The following CCN4 variants were observed in gnomAD, a reference collection of about 807,000 sequenced individuals.
The protein encoded by CCN4 is CCN family member 4.
CCN4 carries 30 observed loss-of-function variants against 36.7 expected under a neutral mutation model. The observed-to-expected ratio is 0.82, with a 90% CI of 0.61 to 1.11. CCN4 has a LOEUF of 1.11. Ranked by LOEUF, CCN4 falls within the 50% of genes least tolerant of loss-of-function variation. CCN4 has a pLI of 0.00. For synonymous variants in CCN4, 191 were observed against 195.4 expected (o/e 0.98, Z 0.19); for missense variants, 505 against 504.9 (o/e 1.00, Z 0.00).
intron 2 of CCN4, 53 bp downstream of exon 2, chr8:133,213,196 G>T (rs1029703800): frequency 6.4e-7 from 1 of 1,554,106 alleles, no homozygotes; most frequent in Non-Finnish European, 8.8e-7. Context: ...CCCAGCTCTG[G>T]CCCCAAACCC....
In CCN4 at chr8:133,196,028, G is replaced by A. The variant is rs574049070; in HGVS notation, c.69+4815G>A. Among the ~76,000 whole-genome samples, 12 of 152,338 alleles carry A rather than the reference G, an allele frequency of 7.9e-5. No homozygotes were observed. The South Asian group carries it at 8.3e-4, about 11-fold the overall frequency. ...GCCAACCACAACCAGGAAGCAAAGC[G>A]AGCCAGCAAGGGTCACCGTGGAGGT... On this transcript the variant is annotated intron_variant, in intron 1 of 4. Transcript: ENST00000250160.
At chr8:133,208,043 A>G (rs909480467) in intron 1 of CCN4, among the ~76,000 whole-genome samples, 1 of 149,166 alleles carries the variant, frequency 6.7e-6, no homozygotes, top group Non-Finnish European at 1.5e-5. Context: ...CAGTAGTGGG[A>G]AAAACATTAA....
intron 1 of CCN4, among the ~76,000 whole-genome samples, chr8:133,194,452 T>G (rs1244739828): frequency 5.7e-5 from 3 of 52,726 alleles, no homozygotes; most frequent in African/African-American, 1.1e-4. Context: ...GGTGTGTGTG[T>G]GGTATGTGTG....
At chr8:133,192,915 G>A (rs1417344991) in intron 1 of CCN4, among the ~76,000 whole-genome samples, 1 of 152,224 alleles carries the variant, frequency 6.6e-6, no homozygotes, top group Non-Finnish European at 1.5e-5. Context: ...GACCCAGGGA[G>A]CAGGTTGGAG....
Position 133,230,194 on chromosome 8 carries a change from C to A in CCN4, c.*2484C>A, listed in dbSNP as rs1317879992. 1 of 152,234 alleles carries A rather than the reference C, an allele frequency of 6.6e-6. No individual in the cohort carries two copies. Among genetic ancestry groups the A allele is most frequent in the Admixed American group, 6.5e-5 (1 of 15,288 alleles). 9.4% of individuals were successfully genotyped at this position (152,234 alleles called of 1,614,324 possible). ...AGAAACGGAACTATCTTATGCAGAG[C>A]CCGGAGGGCAAGTCTCAGACCCATG... On this transcript the variant is annotated 3_prime_UTR_variant, in exon 5 of 5. Transcript: ENST00000250160.
chr8:133,216,581 C>T (rs1854328978), intron 2 of CCN4, among the ~76,000 whole-genome samples: 1 of 152,220 alleles, frequency 6.6e-6, no homozygotes, highest in Non-Finnish European at 1.5e-5. Flanking sequence ...GTGGGCCAAA[C>T]TAAATACATC....
chr8:133,219,225 C>A (rs1854432337), intron 2 of CCN4, among the ~76,000 whole-genome samples: 1 of 152,190 alleles, frequency 6.6e-6, no homozygotes, highest in Admixed American at 6.5e-5. Flanking sequence ...TTTGCACTTC[C>A]TCTGAGCCTA....
intron 1 of CCN4, among the ~76,000 whole-genome samples, chr8:133,197,439 C>T (rs904558421): frequency 6.6e-6 from 1 of 152,136 alleles, no homozygotes. Flanking sequence ...CTCACCCTCA[C>T]ACGTCTGCAC....
rs1392536838 is a variant in CCN4, at chr8:133,230,993, C to G, written c.*3283C>G. ...GGATAGTCTGATACCTGAGCCATCT[C>G]TTCTTGTGCTACGCCTAGTTATTCT... is the stretch of plus-strand genomic sequence containing the variant. On this transcript the variant is annotated 3_prime_UTR_variant, in exon 5 of 5. Coordinates refer to ENST00000250160, the MANE Select transcript of CCN4 (RefSeq NM_003882.4). The G allele has an allele frequency of 6.6e-6, 1 of 152,204 alleles. No individual in the cohort carries two copies. Among genetic ancestry groups the G allele is most frequent in the Non-Finnish European group, 1.5e-5 (1 of 68,036 alleles). 9.4% of individuals were successfully genotyped at this position (152,204 alleles called of 1,614,324 possible). A position where few individuals can be genotyped will look rare whatever the true frequency, so the allele number is the denominator to read the frequency against.
At chr8:133,213,171 C>T (rs771252606) in intron 2 of CCN4, 28 bp downstream of exon 2, 2 of 1,577,780 alleles carry the variant, frequency 1.3e-6, no homozygotes, top group Admixed American at 3.4e-5. Context: ...ACCTTCTGAC[C>T]AGCCCCTGAG....
chr8:133,220,317 A>G (rs1051568576), intron 2 of CCN4, among the ~76,000 whole-genome samples: 5 of 152,112 alleles, frequency 3.3e-5, no homozygotes, highest in Non-Finnish European at 7.4e-5. Flanking sequence ...GTCCCTCGGG[A>G]GGCTGCGTCC....
Position 133,228,032 on chromosome 8 carries a change from A to AG in CCN4, c.*324dup. 1 of 266,508 alleles carries AG rather than the reference A, an allele frequency of 3.8e-6. No homozygotes were observed. The highest frequency in any genetic ancestry group is 7.2e-5 in the East Asian group (1 of 13,838). 16.5% of individuals were successfully genotyped at this position (266,508 alleles called of 1,614,324 possible). ...TGCCTAAATCCCAAGAAATGGAATC[A>AG]GGTAGACTTTTAATATCACTAATTT... On this transcript the variant is annotated 3_prime_UTR_variant, in exon 5 of 5. Coordinates refer to ENST00000250160, the MANE Select transcript of CCN4 (RefSeq NM_003882.4).
rs1564248143 is a variant in CCN4, at chr8:133,194,463, TGG to T, written c.69+3253_69+3254del. Among the ~76,000 whole-genome samples the T allele has an allele frequency of 4.5e-3, 237 of 52,394 alleles. 6 individuals are homozygous for T. The highest frequency in any genetic ancestry group is 0.028 in the African/African-American group (229 of 8,256). The allele number at this position is 52,394 out of a possible 152,430, so 34.4% of individuals were successfully genotyped here. The stretch of plus-strand genomic sequence containing the variant: ...GTGTGGTGTGTGTGTGGTATGTGTG[TGG>T]GGTGTGTGTGTGTGTGGTGGGGGGT... On this transcript the variant is annotated intron_variant, in intron 1 of 4. Coordinates refer to ENST00000250160, the MANE Select transcript of CCN4 (RefSeq NM_003882.4).
intron 3 of CCN4, 30 bp from the exon 4 acceptor site, chr8:133,225,360 A>G (rs1462451968): frequency 9.0e-6 from 14 of 1,549,912 alleles, no homozygotes; most frequent in Non-Finnish European, 1.2e-5. Context: ...GGAGCTGTAG[A>G]TTCATGCAGA....
At chr8:133,200,184 C>T (rs1853536785) in intron 1 of CCN4, among the ~76,000 whole-genome samples, 1 of 152,208 alleles carries the variant, frequency 6.6e-6, no homozygotes. Flanking sequence ...TGCTTTATTT[C>T]CCTGATCCAC....
Position 133,214,103 on chromosome 8 carries a change from G to C in CCN4, c.349+960G>C, listed in dbSNP as rs868631814. 4.7e-3 allele frequency among the ~76,000 whole-genome samples: 353 copies of C among 74,544 alleles called. 1 individual carries two copies. Among genetic ancestry groups the C allele is most frequent in the Admixed American group, 6.8e-3 (45 of 6,626 alleles). 48.9% of individuals were successfully genotyped at this position (74,544 alleles called of 152,430 possible). A position where few individuals can be genotyped will look rare whatever the true frequency, so the allele number is the denominator to read the frequency against. The stretch of plus-strand genomic sequence containing the variant: ...ATAGTAGTTATATAAACTATATATA[G>C]TATATATAGTAGTTATATATAACTA... On this transcript the variant is annotated intron_variant, in intron 2 of 4. Transcript: ENST00000250160.
At chr8:133,220,507 A>G (rs1854477557) in intron 2 of CCN4, 74 bp from the exon 3 acceptor site, 2 of 1,567,700 alleles carry the variant, frequency 1.3e-6, no homozygotes. Flanking sequence ...GTCCACATGG[A>G]GCCCCTATAA....
At chr8:133,210,397 G>A in intron 1 of CCN4, among the ~76,000 whole-genome samples, 1 of 130,802 alleles carries the variant, frequency 7.6e-6, no homozygotes, top group East Asian at 2.0e-4. Flanking sequence ...GTGTGTGTGT[G>A]TGTGTGTGTG....
At chr8:133,202,988 A>G (rs1853642362) in intron 1 of CCN4, among the ~76,000 whole-genome samples, 1 of 152,256 alleles carries the variant, frequency 6.6e-6, no homozygotes, top group Admixed American at 6.5e-5. Flanking sequence ...AGCAGTGAAC[A>G]GAAGCTGCTT....
Sources: allele counts gnomAD v4.1 joint callset (sites outside exome capture counted in the v4.1 genomes callset), GRCh38; gene constraint gnomAD v4.1.1; transcripts MANE v1.5; gene names NCBI Gene and HGNC (gene_info 2026-07-23, HGNC 2026-07-21).